Variants in CDH4 observed in about 807,000 individuals in gnomAD.
CDH4 encodes the protein cadherin-4.
A neutral mutation model predicts 86.0 loss-of-function variants in CDH4; 33 were observed. The ratio of observed to expected loss-of-function variants is 0.38; its 90% CI spans 0.29 to 0.51. CDH4 has a LOEUF of 0.51. Ranked by LOEUF, CDH4 falls within the 20% of genes least tolerant of loss-of-function variation. The pLI is 0.86. For synonymous variants in CDH4, 555 were observed against 549.4 expected (o/e 1.01, Z -0.14); for missense variants, 1,114 against 1,307.4 (o/e 0.85, Z 2.28).
At chr20:61,554,862 G>A (rs553536493) in intron 2 of CDH4, among the ~76,000 whole-genome samples, 1 of 148,836 alleles carries the variant, frequency 6.7e-6, no homozygotes, top group African/African-American at 2.5e-5. Flanking sequence ...GAGTTCGCAT[G>A]TTTGTGTGTC....
intron 2 of CDH4, among the ~76,000 whole-genome samples, chr20:61,726,057 C>T (rs572899007): frequency 1.3e-5 from 2 of 152,126 alleles, no homozygotes; most frequent in South Asian, 2.1e-4. Context: ...CTTTCAGAGA[C>T]GACAGGAGCC....
chr20:61,824,699 A>T (rs1981227872), intron 4 of CDH4, among the ~76,000 whole-genome samples: 2 of 152,264 alleles, frequency 1.3e-5, no homozygotes. Context: ...CATTTAATCC[A>T]GTTGTAGTGA....
In CDH4 at chr20:61,882,685, C is replaced by T. The variant is rs183592123; in HGVS notation, c.1050+8785C>T. Among the ~76,000 whole-genome samples the T allele has an allele frequency of 1.2e-4, 19 of 152,292 alleles. No individual in the cohort carries two copies. The East Asian group carries it at 3.7e-3, about 29-fold the overall frequency. On this transcript the variant is annotated intron_variant, in intron 7 of 15. Transcript: ENST00000614565. ...TCCCTGCCGTAGAGAAATACTTCCT[C>T]TAGGTCTATCAAAAGTGAGAAAATG...
intron 2 of CDH4, among the ~76,000 whole-genome samples, chr20:61,485,994 T>TTA (rs2085594406): frequency 6.6e-6 from 1 of 152,158 alleles, no homozygotes; most frequent in African/African-American, 2.4e-5. Flanking sequence ...CCAAATTATT[T>TTA]TACTGGATTG....
chr20:61,321,351 G>T (rs2084507203), intron 2 of CDH4, among the ~76,000 whole-genome samples: 1 of 152,268 alleles, frequency 6.6e-6, no homozygotes, highest in Non-Finnish European at 1.5e-5. Context: ...CAGAGGCGGG[G>T]TTACTCTTAA....
At chr20:61,661,406 C>T (rs906316617) in intron 2 of CDH4, among the ~76,000 whole-genome samples, 5 of 150,872 alleles carry the variant, frequency 3.3e-5, no homozygotes, top group African/African-American at 1.2e-4. Context: ...CAAACCAAAA[C>T]TAAGTCTCTG....
intron 2 of CDH4, among the ~76,000 whole-genome samples, chr20:61,741,459 A>T (rs987739479): frequency 6.6e-6 from 1 of 151,058 alleles, no homozygotes; most frequent in Non-Finnish European, 1.5e-5. Context: ...AGCAGCTTCA[A>T]TGCTTGCCTA....
At chr20:61,273,812 C>A (rs1262545961) in intron 2 of CDH4, among the ~76,000 whole-genome samples, 1 of 142,962 alleles carries the variant, frequency 7.0e-6, no homozygotes. Context: ...GTACCATATG[C>A]AGTTTGGGGG....
At chr20:61,761,212 G>C (rs149697112) in intron 3 of CDH4, among the ~76,000 whole-genome samples, 186 of 152,242 alleles carry the variant, frequency 1.2e-3, no homozygotes, top group African/African-American at 4.1e-3. Context: ...TACTAGGTTT[G>C]ACATTTAGGG....
chr20:61,625,648 G>T (rs1178044670), intron 2 of CDH4, among the ~76,000 whole-genome samples: 3 of 152,184 alleles, frequency 2.0e-5, no homozygotes, highest in African/African-American at 7.2e-5. Context: ...TTTCAGGATT[G>T]CTTTTAGACT....
At chr20:61,750,079 C>T (rs1325035502) in intron 3 of CDH4, among the ~76,000 whole-genome samples, 1 of 152,020 alleles carries the variant, frequency 6.6e-6, no homozygotes, top group Admixed American at 6.6e-5. Flanking sequence ...GGCAGAAAAT[C>T]AACAATCCAG....
At chr20:61,857,914 T>G (rs146006257) in intron 6 of CDH4, among the ~76,000 whole-genome samples, 2 of 147,032 alleles carry the variant, frequency 1.4e-5, no homozygotes, top group East Asian at 3.9e-4. Context: ...TGTGCATCTG[T>G]GTGTGTGTCA....
intron 2 of CDH4, among the ~76,000 whole-genome samples, chr20:61,607,441 T>C: frequency 6.6e-6 from 1 of 152,196 alleles, no homozygotes; most frequent in East Asian, 1.9e-4. Flanking sequence ...TATGATTTTC[T>C]CCTAAATTAT....
intron 2 of CDH4, among the ~76,000 whole-genome samples, chr20:61,653,610 C>T (rs1288284898): frequency 2.3e-4 from 31 of 136,342 alleles, no homozygotes; most frequent in African/African-American, 7.5e-4. Flanking sequence ...CGGGCAGAGA[C>T]GCTCCTCACT....
chr20:61,567,210 G>A (rs978514229), intron 2 of CDH4, among the ~76,000 whole-genome samples: 4 of 152,200 alleles, frequency 2.6e-5, no homozygotes, highest in South Asian at 2.1e-4. Context: ...ACCTGTCTCC[G>A]AGCCCCCCAG....
intron 15 of CDH4, among the ~76,000 whole-genome samples, chr20:61,934,821 A>G (rs4925318): frequency 0.45 from 67,894 of 149,282 alleles, 16,149 homozygotes; most frequent in South Asian, 0.6. Context: ...CCACCTGCCC[A>G]ACCTGACACT....
intron 2 of CDH4, among the ~76,000 whole-genome samples, chr20:61,450,786 C>G (rs1189700344): frequency 6.6e-6 from 1 of 150,926 alleles, no homozygotes; most frequent in Non-Finnish European, 1.5e-5. Flanking sequence ...AGAGAGAACC[C>G]TGCTCTCCAA....
chr20:61,682,499 G>A (rs760303660), intron 2 of CDH4, among the ~76,000 whole-genome samples: 4 of 151,590 alleles, frequency 2.6e-5, no homozygotes, highest in African/African-American at 4.9e-5. Flanking sequence ...ATGGATGGAC[G>A]GAGAGATGGA....
At chr20:61,642,293 C>T in intron 2 of CDH4, among the ~76,000 whole-genome samples, 1 of 152,132 alleles carries the variant, frequency 6.6e-6, no homozygotes, top group East Asian at 1.9e-4. Context: ...TCCTAGGGCA[C>T]CCTGGGGTTT....
Sources: allele counts gnomAD v4.1 joint callset (sites outside exome capture counted in the v4.1 genomes callset), GRCh38; gene constraint gnomAD v4.1.1; transcripts MANE v1.5; gene names NCBI Gene and HGNC (gene_info 2026-07-23, HGNC 2026-07-21).